RHD: variants seen among roughly 807,000 people sequenced by gnomAD.
RHD encodes Rh blood group D antigen, also known as blood group Rh(D) polypeptide.
Under a neutral mutation model 45.5 loss-of-function variants are expected in RHD, and 16 were observed. The observed-to-expected ratio is 0.35, with a 90% CI of 0.24 to 0.53. RHD has a LOEUF of 0.53. Among genes scored for constraint, RHD ranks in the 20% least tolerant of loss-of-function variants. The probability of loss-of-function intolerance (pLI) is 0.92; values close to 1 mark genes in which losing one functional copy is unlikely to be tolerated. For synonymous variants in RHD, 131 were observed against 217.5 expected (o/e 0.60, Z 3.50); for missense variants, 306 against 532.0 (o/e 0.58, Z 4.18).
chr1:25,313,012 G>C lies in RHD; in HGVS notation c.1074-3988G>C, dbSNP rs1176727147. On this transcript the variant is annotated intron_variant, in intron 7 of 9. Transcript: ENST00000328664. ...AAGAAGGACATGCATTTTGGGGGCTGGGGCAGGATGCTGTGGTTTGAATGC... is the reference window on the plus strand; with the variant it reads ...AAGAAGGACATGCATTTTGGGGGCTCGGGCAGGATGCTGTGGTTTGAATGC... Among the ~76,000 whole-genome samples the C allele has an allele frequency of 2.0e-3, 245 of 120,426 alleles. 51 individuals carry two copies. The highest frequency in any genetic ancestry group is 3.8e-3 in the Non-Finnish European group (197 of 51,918). The allele number at this position is 120,426 out of a possible 152,430, so 79.0% of individuals were successfully genotyped here. A position where few individuals can be genotyped will look rare whatever the true frequency, so the allele number is the denominator to read the frequency against.
chr1:25,284,965 C>T lies in RHD; in HGVS notation c.335+206C>T, dbSNP rs112019983. Among the ~76,000 whole-genome samples the T allele has an allele frequency of 4.3e-4, 58 of 135,036 alleles. 4 individuals carry two copies. The East Asian group carries it at 0.01, about 23-fold the overall frequency. The allele number at this position is 135,036 out of a possible 152,430, so 88.6% of individuals were successfully genotyped here. On this transcript the variant is annotated intron_variant, in intron 2 of 9. Transcript: ENST00000328664. ...TGTATTTTACTGGACAGCCCTACTC[C>T]GTGTATCACAAGGAATCCAGGCCTA...
chr1:25,284,789 G>T (rs1472396717), intron 2 of RHD, 30 bp downstream of exon 2: 2 of 1,377,172 alleles, frequency 1.5e-6, no homozygotes, highest in Non-Finnish European at 2.0e-6. Flanking sequence ...ATCACTTCTG[G>T]GTCATAGAGG....
At position 25,281,428 on chromosome 1, in the gene RHD, C is replaced by T. The variant is rs1450271950; in HGVS notation, c.149-3145C>T. On this transcript the variant is annotated intron_variant, in intron 1 of 9. Transcript: ENST00000328664. The stretch of plus-strand genomic sequence containing the variant: ...ATGGAATCTTCAATAAGTCTGGGCC[C>T]TATGCATATAGCATTGCTACAAAAT... Among the ~76,000 whole-genome samples the T allele has an allele frequency of 1.5e-5, 2 of 131,942 alleles. 1 individual carries two copies. Among genetic ancestry groups the T allele is most frequent in the Middle Eastern group, 7.4e-3 (2 of 270 alleles). 86.6% of individuals were successfully genotyped at this position (131,942 alleles called of 152,430 possible). A position where few individuals can be genotyped will look rare whatever the true frequency, so the allele number is the denominator to read the frequency against.
chr1:25,318,438 A>C (rs1644523518), intron 8 of RHD, among the ~76,000 whole-genome samples: 1 of 130,788 alleles, frequency 7.6e-6, no homozygotes, highest in Admixed American at 7.4e-5. Flanking sequence ...AAATACAAAA[A>C]TTAGCCAGGC....
Position 25,298,874 on chromosome 1 carries a change from T to C in RHD, c.487-2072T>C, listed in dbSNP as rs1243231055. Among the ~76,000 whole-genome samples the C allele has an allele frequency of 1.6e-5, 2 of 125,776 alleles. 1 individual carries two copies. Among genetic ancestry groups the C allele is most frequent in the African/African-American group, 5.5e-5 (2 of 36,654 alleles). The allele number at this position is 125,776 out of a possible 152,430, so 82.5% of individuals were successfully genotyped here. ...AAATGGAGAAAAGAAACACGAAAAG[T>C]TGGGGAGAGAGGATAACTGTTTGAG... On this transcript the variant is annotated intron_variant, in intron 3 of 9. Coordinates refer to ENST00000328664, the MANE Select transcript of RHD (RefSeq NM_016124.6).
intron 2 of RHD, among the ~76,000 whole-genome samples, chr1:25,290,258 C>T (rs1336257132): frequency 7.9e-6 from 1 of 126,250 alleles, no homozygotes; most frequent in African/African-American, 2.7e-5. Flanking sequence ...GTTGAGCATC[C>T]GAATGATGGC....
intron 1 of RHD, among the ~76,000 whole-genome samples, chr1:25,280,328 TG>T: frequency 8.3e-6 from 1 of 119,842 alleles, no homozygotes; most frequent in East Asian, 2.0e-4. Flanking sequence ...TTTTTTGAGC[TG>T]CAGTCTCACT....
chr1:25,286,792 A>C (rs1477066069), intron 2 of RHD, among the ~76,000 whole-genome samples: 2 of 132,532 alleles, frequency 1.5e-5, no homozygotes, highest in Non-Finnish European at 3.5e-5. Context: ...TCTCAAAAAA[A>C]AAAAACAAAA....
At chr1:25,308,281 T>C (rs1339931788) in intron 7 of RHD, among the ~76,000 whole-genome samples, 1 of 113,830 alleles carries the variant, frequency 8.8e-6, no homozygotes, top group African/African-American at 3.0e-5. Context: ...CTGGAAGCAT[T>C]GGTTCTCCAC....
chr1:25,307,243 G>A lies in RHD; in HGVS notation c.1073+514G>A, dbSNP rs1393975172. Among the ~76,000 whole-genome samples the A allele has an allele frequency of 2.5e-4, 33 of 132,312 alleles. 6 individuals are homozygous for A. Among genetic ancestry groups the A allele is most frequent in the African/African-American group, 8.6e-4 (33 of 38,494 alleles). 86.8% of individuals were successfully genotyped at this position (132,312 alleles called of 152,430 possible). ...ACAACCCATCCCTGAGGCCCAGAGA[G>A]GGGTGGGCCTTGGCTGAGGTCTCAC... On this transcript the variant is annotated intron_variant, in intron 7 of 9. Coordinates refer to ENST00000328664, the MANE Select transcript of RHD (RefSeq NM_016124.6).
At chr1:25,309,589 G>A (rs1644032177) in intron 7 of RHD, among the ~76,000 whole-genome samples, 1 of 131,750 alleles carries the variant, frequency 7.6e-6, no homozygotes, top group African/African-American at 2.6e-5. Context: ...AGCATCTCTG[G>A]AATGCCAGTA....
chr1:25,278,445 C>A (rs1641202880), intron 1 of RHD, among the ~76,000 whole-genome samples: 1 of 131,668 alleles, frequency 7.6e-6, no homozygotes, highest in African/African-American at 2.6e-5. Context: ...TACTCATGAT[C>A]ATGATTCTGT....
chr1:25,279,056 G>A (rs1442492660), intron 1 of RHD, among the ~76,000 whole-genome samples: 2 of 129,828 alleles, frequency 1.5e-5, no homozygotes, highest in East Asian at 3.9e-4. Flanking sequence ...GGGAGGGGGC[G>A]CAGATCCAGA....
In RHD at chr1:25,303,458, C is replaced by T. The variant is rs200137267; in HGVS notation, c.938C>T (p.Pro313Leu). 1.2e-4 allele frequency: 165 copies of T among 1,378,716 alleles called. 45 individuals carry two copies. The highest frequency in any genetic ancestry group is 5.5e-4 in the Middle Eastern group (3 of 5,492). The allele number at this position is 1,378,716 out of a possible 1,614,324, so 85.4% of individuals were successfully genotyped here. ...TCCGTCGGGGGAGCCAAGTACCTGC[C>T]GGTAAGAAACTAGACAACTAACCTC... ...LISVGGAKYL[P>L]GCCNRVLGIP... Residue 313 changes from proline to leucine, a missense_variant and splice_region_variant, in exon 6 of 10, where the codon CCG becomes CTG. Pro to Leu is a moderately conservative substitution (Grantham distance 98, BLOSUM62 -3). Coordinates refer to ENST00000328664, the MANE Select transcript of RHD (RefSeq NM_016124.6).
chr1:25,301,133 G>C, intron 4 of RHD, 40 bp downstream of exon 4: 1 of 1,361,820 alleles, frequency 7.3e-7, no homozygotes, highest in Non-Finnish European at 1.0e-6. Context: ...TACTTGGGCT[G>C]AGCAGAATGG....
chr1:25,280,721 C>T lies in RHD; in HGVS notation c.149-3852C>T, dbSNP rs538552998. ...TAACCTTCTAGGCACAAGCCATCCTCCTACCTCACCCTCCTGAGTAGCTGG... is the reference window on the plus strand; with the variant it reads ...TAACCTTCTAGGCACAAGCCATCCTTCTACCTCACCCTCCTGAGTAGCTGG... On this transcript the variant is annotated intron_variant, in intron 1 of 9. Coordinates refer to ENST00000328664, the MANE Select transcript of RHD (RefSeq NM_016124.6). Among the ~76,000 whole-genome samples the T allele has an allele frequency of 3.9e-5, 5 of 128,484 alleles. 1 individual carries two copies. In the South Asian group the frequency reaches 7.3e-4, roughly 19 times the overall value. The allele number at this position is 128,484 out of a possible 152,430, so 84.3% of individuals were successfully genotyped here.
At chr1:25,309,990 A>T (rs528225359) in intron 7 of RHD, among the ~76,000 whole-genome samples, 1 of 132,590 alleles carries the variant, frequency 7.5e-6, no homozygotes, top group Non-Finnish European at 1.8e-5. Flanking sequence ...AAAAAACCCC[A>T]AAAAACCCAA....
intron 2 of RHD, among the ~76,000 whole-genome samples, chr1:25,289,643 G>A (rs1642323730): frequency 8.0e-6 from 1 of 124,670 alleles, no homozygotes; most frequent in South Asian, 2.5e-4. Context: ...AGAGCAAGCT[G>A]CTCAGGGGAG....
intron 9 of RHD, among the ~76,000 whole-genome samples, chr1:25,322,510 T>TG (rs1284162639): frequency 1.5e-5 from 2 of 132,108 alleles, no homozygotes; most frequent in Non-Finnish European, 3.6e-5. Context: ...CCATCTCTAC[T>TG]AAAAATACAA....
Sources: allele counts gnomAD v4.1 joint callset (sites outside exome capture counted in the v4.1 genomes callset), GRCh38; gene constraint gnomAD v4.1.1; transcripts MANE v1.5; gene names NCBI Gene and HGNC (gene_info 2026-07-23, HGNC 2026-07-21).